The following ACVR2A variants were observed in gnomAD, a reference collection of about 807,000 sequenced individuals.
ACVR2A encodes the protein activin A receptor type 2A.
In ACVR2A, 7 loss-of-function variants were observed where a neutral mutation model predicts 61.4. The ratio of observed to expected loss-of-function variants is 0.11; its 90% CI spans 0.06 to 0.21. The LOEUF (loss-of-function observed/expected upper bound fraction) is 0.21, where lower values mean the gene tolerates loss of function less well. Among genes scored for constraint, ACVR2A ranks in the 10% least tolerant of loss-of-function variants. The pLI is 1.00. For synonymous variants in ACVR2A, 193 were observed against 208.3 expected, an observed-to-expected ratio of 0.93 and a Z score of 0.63; for missense variants, 322 against 621.7, an observed-to-expected ratio of 0.52 and a Z score of 5.13.
At chr2:147,915,816 G>A (rs1001750441) in intron 5 of ACVR2A, among the ~76,000 whole-genome samples, 2 of 151,924 alleles carry the variant, frequency 1.3e-5, no homozygotes, top group Non-Finnish European at 2.9e-5. Flanking sequence ...AGGCAATCGA[G>A]ACTTCAAATA....
intron 1 of ACVR2A, among the ~76,000 whole-genome samples, chr2:147,880,550 T>C (rs910518352): frequency 6.6e-6 from 1 of 152,186 alleles, no homozygotes; most frequent in Non-Finnish European, 1.5e-5. Context: ...CTATCATTCC[T>C]TCCTTCTGTC....
chr2:147,890,234 C>A (rs1188347097), intron 1 of ACVR2A, among the ~76,000 whole-genome samples: 1 of 152,036 alleles, frequency 6.6e-6, no homozygotes, highest in Non-Finnish European at 1.5e-5. Context: ...AGCAGCCCTT[C>A]TTCTATAGAA....
At chr2:147,889,164 T>C (rs1218036348) in intron 1 of ACVR2A, among the ~76,000 whole-genome samples, 1 of 152,170 alleles carries the variant, frequency 6.6e-6, no homozygotes, top group Non-Finnish European at 1.5e-5. Flanking sequence ...GATCCCACTT[T>C]GCTGTGATGT....
chr2:147,895,440 A>G (rs1415947143), intron 1 of ACVR2A, among the ~76,000 whole-genome samples: 1 of 152,120 alleles, frequency 6.6e-6, no homozygotes, highest in Non-Finnish European at 1.5e-5. Flanking sequence ...TTGTGGTTCT[A>G]GCATATTTTT....
intron 1 of ACVR2A, chr2:147,877,589 CTTTG>C (rs1237386344): frequency 1.3e-5 from 2 of 152,056 alleles, no homozygotes; most frequent in African/African-American, 4.8e-5. Context: ...AGGAGTTAAA[CTTTG>C]TTTATTATTC....
At chr2:147,853,548 T>C (rs1239501482) in intron 1 of ACVR2A, among the ~76,000 whole-genome samples, 2 of 152,124 alleles carry the variant, frequency 1.3e-5, no homozygotes, top group African/African-American at 2.4e-5. Flanking sequence ...ACTAGTTTTT[T>C]CTTTGGTTGG....
intron 1 of ACVR2A, among the ~76,000 whole-genome samples, chr2:147,846,232 T>C (rs1460746976): frequency 6.6e-6 from 1 of 151,912 alleles, no homozygotes; most frequent in Admixed American, 6.6e-5. Context: ...CTATTTATTG[T>C]AAAATTTAAT....
intron 1 of ACVR2A, among the ~76,000 whole-genome samples, chr2:147,878,385 T>G (rs1686211891): frequency 6.6e-6 from 1 of 152,160 alleles, no homozygotes; most frequent in South Asian, 2.1e-4. Context: ...TGAAAGGTGT[T>G]GGGTTGAGAT....
intron 1 of ACVR2A, among the ~76,000 whole-genome samples, chr2:147,859,578 G>A (rs771784940): frequency 1.3e-5 from 2 of 152,078 alleles, no homozygotes; most frequent in Non-Finnish European, 2.9e-5. Flanking sequence ...GTGTGTGATT[G>A]TATGTGTGTA....
At chr2:147,851,484 A>G (rs1381317772) in intron 1 of ACVR2A, among the ~76,000 whole-genome samples, 8 of 152,120 alleles carry the variant, frequency 5.3e-5, no homozygotes, top group Admixed American at 3.9e-4. Flanking sequence ...CCTGAGTACT[A>G]TATTCCATCC....
chr2:147,926,983 C>A, intron 10 of ACVR2A, 97 bp from the exon 11 acceptor site: 1 of 1,177,892 alleles, frequency 8.5e-7, no homozygotes, highest in Non-Finnish European at 1.2e-6. Context: ...ACTTCTTTGA[C>A]CCAGAAAAAT....
intron 4 of ACVR2A, among the ~76,000 whole-genome samples, chr2:147,914,386 T>C (rs1309391928): frequency 2.6e-5 from 4 of 151,992 alleles, no homozygotes; most frequent in Non-Finnish European, 5.9e-5. Flanking sequence ...CCTTGTGATT[T>C]GTAGATGCTG....
chr2:147,908,392 T>C (rs961571501), intron 4 of ACVR2A, among the ~76,000 whole-genome samples: 5 of 152,176 alleles, frequency 3.3e-5, no homozygotes, highest in Non-Finnish European at 7.4e-5. Context: ...AGGGAACATA[T>C]CCAGAATCTT....
chr2:147,879,456 G>A (rs1475319019), intron 1 of ACVR2A, among the ~76,000 whole-genome samples: 1 of 152,172 alleles, frequency 6.6e-6, no homozygotes, highest in Non-Finnish European at 1.5e-5. Context: ...AATTTTGGAA[G>A]GGGTGAACAT....
chr2:147,863,905 T>A (rs1348006711), intron 1 of ACVR2A, among the ~76,000 whole-genome samples: 1 of 152,228 alleles, frequency 6.6e-6, no homozygotes, highest in East Asian at 1.9e-4. Flanking sequence ...GAATCAAATG[T>A]TCAAAGTAAA....
intron 1 of ACVR2A, among the ~76,000 whole-genome samples, chr2:147,880,769 A>G (rs920647226): frequency 2.6e-4 from 39 of 152,312 alleles, no homozygotes; most frequent in African/African-American, 8.2e-4. Context: ...AGTGCCTGCA[A>G]CTAGTATGAC....
intron 4 of ACVR2A, among the ~76,000 whole-genome samples, chr2:147,908,032 C>CT (rs1313818250): frequency 2.3e-4 from 28 of 121,938 alleles, no homozygotes; most frequent in Admixed American, 7.9e-4. Flanking sequence ...GAGCAAGACT[C>CT]TGTTTCAAAA....
At position 147,929,567 on chromosome 2, in the gene ACVR2A, A is replaced by T. The variant is rs1687605245; in HGVS notation, c.*2293A>T. 6.6e-6 allele frequency: 1 copy of T among 152,396 alleles called. No individual in the cohort carries two copies. Among genetic ancestry groups the T allele is most frequent in the Non-Finnish European group, 1.5e-5 (1 of 67,954 alleles). The allele number at this position is 152,396 out of a possible 1,614,324, so 9.4% of individuals were successfully genotyped here. A position where few individuals can be genotyped will look rare whatever the true frequency, so the allele number is the denominator to read the frequency against. ...AACTTGTATTCTTTTGAGAACTATTATTAATAGAAAAACTTTTTATAAGCA... is the reference window on the plus strand; with the variant it reads ...AACTTGTATTCTTTTGAGAACTATTTTTAATAGAAAAACTTTTTATAAGCA... On this transcript the variant is annotated 3_prime_UTR_variant, in exon 11 of 11. Coordinates refer to ENST00000241416, the MANE Select transcript of ACVR2A (RefSeq NM_001616.5).
chr2:147,930,172 G>GA lies in ACVR2A; in HGVS notation c.*2904dup, dbSNP rs1687635972. 6.6e-6 allele frequency: 1 copy of GA among 152,186 alleles called. No individual in the cohort carries two copies. The highest frequency in any genetic ancestry group is 1.5e-5 in the Non-Finnish European group (1 of 67,922). 9.4% of individuals were successfully genotyped at this position (152,186 alleles called of 1,614,324 possible). The stretch of plus-strand genomic sequence containing the variant: ...GGTGATGTTTTGAAAATACAATCAG[G>GA]AAAAAACCCAACACCTTTGGAATTT... On this transcript the variant is annotated 3_prime_UTR_variant, in exon 11 of 11. Transcript: ENST00000241416.
Sources: gnomAD v4.1 joint callset for allele counts (sites outside exome capture counted in the v4.1 genomes callset) on GRCh38, gnomAD v4.1.1 for gene constraint, MANE v1.5 for transcripts, NCBI Gene and HGNC (gene_info 2026-07-23, HGNC 2026-07-21) for gene names.